Variants in HABP2 observed in about 807,000 individuals in gnomAD.
HABP2 encodes factor VII-activating protease.
In HABP2, 65 loss-of-function variants were observed where a neutral mutation model predicts 66.5. That is an observed-to-expected ratio of 0.98 (90% CI 0.80 to 1.20). HABP2 has a LOEUF of 1.20. HABP2 is among the 50% of genes most tolerant of loss of function. The pLI is 0.00. For missense variants in HABP2, 786 were observed against 691.0 expected (o/e 1.14, Z -1.54); for synonymous variants, 263 against 253.9 (o/e 1.04, Z -0.34).
At chr10:113,558,114 C>T (rs1845033186) in intron 1 of HABP2, among the ~76,000 whole-genome samples, 1 of 152,212 alleles carries the variant, frequency 6.6e-6, no homozygotes, top group South Asian at 2.1e-4. Flanking sequence ...CAGCTTCCAG[C>T]AGGAGACAAA....
chr10:113,576,604 G>A (rs575040878), intron 4 of HABP2, among the ~76,000 whole-genome samples: 89 of 152,290 alleles, frequency 5.8e-4, no homozygotes, highest in African/African-American at 2.0e-3. Flanking sequence ...CTAGAGAAAA[G>A]CTGTATTCGG....
At position 113,584,275 on chromosome 10, in the gene HABP2, A is replaced by C. The variant is rs1845595204; in HGVS notation, c.1365A>C (p.Thr455=). 1 of 1,613,986 alleles carries C rather than the reference A, an allele frequency of 6.2e-7. No homozygotes were observed. Residue 455 remains threonine, a synonymous_variant, in exon 11 of 13, where the codon ACA becomes ACC. Coordinates refer to ENST00000351270, the MANE Select transcript of HABP2 (RefSeq NM_004132.5). ...SECHISGWGV[T]ETGKGSRQLL... is the part of the protein sequence containing the mutation. ...GCCACATCTCTGGCTGGGGTGTTAC[A>C]GAAACAGGTGAGTCGGCCATGCACT...
intron 4 of HABP2, among the ~76,000 whole-genome samples, chr10:113,576,823 G>A (rs1250184089): frequency 6.6e-6 from 1 of 152,214 alleles, no homozygotes; most frequent in African/African-American, 2.4e-5. Context: ...TCAGAAAAGT[G>A]ACAAAACTGT....
intron 2 of HABP2, among the ~76,000 whole-genome samples, chr10:113,573,932 C>G (rs1845359242): frequency 6.6e-6 from 1 of 152,152 alleles, no homozygotes; most frequent in South Asian, 2.1e-4. Flanking sequence ...GTGCTAGGTC[C>G]CAATCCTCTT....
At position 113,581,786 on chromosome 10, in the gene HABP2, G is replaced by A. The variant is rs2181082; in HGVS notation, c.839-90G>A. 6 of 1,350,548 alleles carry A rather than the reference G, an allele frequency of 4.4e-6. No homozygotes were observed. In the Admixed American group the frequency reaches 7.8e-5, roughly 17 times the overall value. The allele number at this position is 1,350,548 out of a possible 1,614,324, so 83.7% of individuals were successfully genotyped here. On this transcript the variant is annotated intron_variant, in intron 8 of 12. Transcript: ENST00000351270. Reference sequence around the variant, plus strand: ...CTCAGCTCTGGACCCCTGCTCAGCTGTTGGGCTCAGAGTCATACCTCTGCC... The same window carrying A: ...CTCAGCTCTGGACCCCTGCTCAGCTATTGGGCTCAGAGTCATACCTCTGCC...
At chr10:113,564,607 T>TC (rs753232066) in intron 1 of HABP2, among the ~76,000 whole-genome samples, 12 of 152,304 alleles carry the variant, frequency 7.9e-5, no homozygotes, top group East Asian at 5.8e-4. Context: ...TGACCTCTCT[T>TC]CCTTTTTTTG....
At chr10:113,585,336 C>T (rs1393574159) in intron 11 of HABP2, among the ~76,000 whole-genome samples, 1 of 152,184 alleles carries the variant, frequency 6.6e-6, no homozygotes. Context: ...CCTTTATGTT[C>T]TCTAAGACTT....
intron 1 of HABP2, among the ~76,000 whole-genome samples, chr10:113,567,056 G>A (rs760952329): frequency 9.2e-5 from 14 of 152,210 alleles, no homozygotes; most frequent in Non-Finnish European, 1.6e-4. Flanking sequence ...TCACAGCTAT[G>A]TGACCTCCGA....
intron 2 of HABP2, among the ~76,000 whole-genome samples, chr10:113,568,330 A>G (rs1480795615): frequency 6.6e-6 from 1 of 152,256 alleles, no homozygotes; most frequent in Non-Finnish European, 1.5e-5. Context: ...ATAGCCAGGC[A>G]GACAACACAT....
intron 10 of HABP2, 109 bp from the exon 11 acceptor site, chr10:113,584,039 G>T (rs1164419500): frequency 2.5e-6 from 2 of 814,928 alleles, no homozygotes; most frequent in East Asian, 5.1e-5. Flanking sequence ...CAGGCATGGT[G>T]GGGGCAGGTG....
At chr10:113,562,963 A>G (rs1273733702) in intron 1 of HABP2, among the ~76,000 whole-genome samples, 3 of 152,232 alleles carry the variant, frequency 2.0e-5, no homozygotes, top group Non-Finnish European at 2.9e-5. Context: ...TGGCTCCAGC[A>G]TTTCCTAGTT....
At chr10:113,568,059 A>G (rs4918852) in intron 2 of HABP2, among the ~76,000 whole-genome samples, 47,664 of 152,178 alleles carry the variant, frequency 0.31, 7,862 homozygotes, top group Non-Finnish European at 0.38. Flanking sequence ...TGGGTCCTGT[A>G]TCTTCACAAG....
rs1845505111 is a variant in HABP2, at chr10:113,580,528, G to C, written c.741-67G>C. ...AGAGTCTAGCACCTTCTTATCCAAA[G>C]GTTCTTTAATAAGATCCAGTGTGTT... is the stretch of plus-strand genomic sequence containing the variant. On this transcript the variant is annotated intron_variant, in intron 7 of 12. Coordinates refer to ENST00000351270, the MANE Select transcript of HABP2 (RefSeq NM_004132.5). 7 of 844,338 alleles carry C rather than the reference G, an allele frequency of 8.3e-6. No homozygotes were observed. In the South Asian group the frequency reaches 8.3e-5, roughly 10 times the overall value. The allele number at this position is 844,338 out of a possible 1,614,324, so 52.3% of individuals were successfully genotyped here.
intron 1 of HABP2, among the ~76,000 whole-genome samples, chr10:113,555,101 C>T (rs769477921): frequency 1.3e-5 from 2 of 152,220 alleles, no homozygotes; most frequent in Admixed American, 6.5e-5. Context: ...CAGCCCCACA[C>T]AGCTAAAAGT....
intron 11 of HABP2, among the ~76,000 whole-genome samples, 174 bp downstream of exon 11, chr10:113,584,456 G>T (rs969424399): frequency 6.6e-6 from 1 of 152,142 alleles, no homozygotes; most frequent in Non-Finnish European, 1.5e-5. Flanking sequence ...CACCTGCAGG[G>T]AGCCTTCCCT....
At chr10:113,583,194 A>G (rs746747996) in intron 9 of HABP2, 22 bp from the exon 10 acceptor site, 1 of 1,612,370 alleles carries the variant, frequency 6.2e-7, no homozygotes, top group South Asian at 1.1e-5. Context: ...TGCCTTCCTG[A>G]CCATCTCATT....
intron 1 of HABP2, among the ~76,000 whole-genome samples, chr10:113,557,757 T>C (rs1845024682): frequency 6.6e-6 from 1 of 152,204 alleles, no homozygotes; most frequent in Non-Finnish European, 1.5e-5. Flanking sequence ...GTAAGAGTAA[T>C]CGTAATAATT....
At chr10:113,570,311 C>T (rs919984630) in intron 2 of HABP2, among the ~76,000 whole-genome samples, 5 of 152,204 alleles carry the variant, frequency 3.3e-5, no homozygotes, top group African/African-American at 1.2e-4. Flanking sequence ...ATAGAAAATA[C>T]TCAACACATT....
chr10:113,564,080 T>C (rs1023153220), intron 1 of HABP2, among the ~76,000 whole-genome samples: 1 of 152,142 alleles, frequency 6.6e-6, no homozygotes, highest in African/African-American at 2.4e-5. Flanking sequence ...AGACTCACAG[T>C]TCCACATGGC....
Sources: allele counts gnomAD v4.1 joint callset (sites outside exome capture counted in the v4.1 genomes callset), GRCh38; gene constraint gnomAD v4.1.1; transcripts MANE v1.5; gene names NCBI Gene and HGNC (gene_info 2026-07-23, HGNC 2026-07-21).